Variants in KLRG2 observed in about 807,000 individuals in gnomAD.
The protein encoded by KLRG2 is killer cell lectin like receptor G2, also known as killer cell lectin-like receptor subfamily G member 2.
A neutral mutation model predicts 35.4 loss-of-function variants in KLRG2; 39 were observed. The observed-to-expected ratio is 1.10, with a 90% CI of 0.85 to 1.44. KLRG2 has a LOEUF of 1.44. KLRG2 is among the 40% of genes most tolerant of loss of function. KLRG2 has a pLI of 0.00. For synonymous variants in KLRG2, 283 were observed against 265.8 expected (o/e 1.06, Z -0.63); for missense variants, 632 against 570.9 (o/e 1.11, Z -1.09).
intron 3 of KLRG2, among the ~76,000 whole-genome samples, chr7:139,463,848 C>T (rs1328452722): frequency 6.6e-6 from 1 of 152,200 alleles, no homozygotes; most frequent in Non-Finnish European, 1.5e-5. Context: ...GTAAGTCCAT[C>T]CCCTTCTTAA....
intron 3 of KLRG2, among the ~76,000 whole-genome samples, chr7:139,475,530 CA>C (rs532874176): frequency 2.0e-3 from 268 of 136,774 alleles, no homozygotes; most frequent in Middle Eastern, 3.7e-3. Flanking sequence ...GACTCTATCT[CA>C]AAAAAAAAAA....
chr7:139,436,341 C>A, the KLRG2 span, among the ~76,000 whole-genome samples: 1 of 152,030 alleles, frequency 6.6e-6, no homozygotes. Flanking sequence ...CTAGGGAACC[C>A]CCCCCTTCAC....
chr7:139,457,739 C>T (rs1796501432), intron 3 of KLRG2, among the ~76,000 whole-genome samples: 1 of 152,126 alleles, frequency 6.6e-6, no homozygotes, highest in Non-Finnish European at 1.5e-5. Context: ...GAAGGCCTCC[C>T]CCGAGCCCCA....
chr7:139,447,168 G>A, the KLRG2 span, among the ~76,000 whole-genome samples: 1 of 151,968 alleles, frequency 6.6e-6, no homozygotes, highest in South Asian at 2.1e-4. Flanking sequence ...ATTTGAAAGA[G>A]ATAGTTTCAG....
rs150594834 is a variant in KLRG2 at position 139,473,126 on chromosome 7, C to T, written c.1005+6501G>A. Among the ~76,000 whole-genome samples the T allele has an allele frequency of 8.4e-3, 1,272 of 152,164 alleles. 22 individuals are homozygous for T. The highest frequency in any genetic ancestry group is 0.029 in the African/African-American group (1,211 of 41,520). The stretch of plus-strand genomic sequence containing the variant: ...GCAAAACACCGTCTCTACAAACATA[C>T]AAAAATTAGCTGTGTGTGGTGGTTC... On this transcript the variant is annotated intron_variant, in intron 3 of 4. Coordinates refer to ENST00000340940, the MANE Select transcript of KLRG2 (RefSeq NM_198508.4).
the KLRG2 span, among the ~76,000 whole-genome samples, chr7:139,438,677 A>ATTTTTTTTTTT: frequency 2.1e-5 from 3 of 142,832 alleles, no homozygotes; most frequent in African/African-American, 2.6e-5. Flanking sequence ...CATTTTGGCA[A>ATTTTTTTTTTT]TTTTTTTTTT....
chr7:139,475,392 G>C (rs1448555998), intron 3 of KLRG2, among the ~76,000 whole-genome samples: 1 of 151,992 alleles, frequency 6.6e-6, no homozygotes, highest in Non-Finnish European at 1.5e-5. Flanking sequence ...TTAGCCAGGC[G>C]TGGTGGCGGG....
chr7:139,455,596 C>T (rs1240918564), intron 3 of KLRG2, among the ~76,000 whole-genome samples: 1 of 150,464 alleles, frequency 6.6e-6, no homozygotes, highest in Non-Finnish European at 1.5e-5. Flanking sequence ...GCTGGGATTA[C>T]AGGCGTGAGC....
rs763375222 is a variant in KLRG2, at chr7:139,483,579, C to T, written c.64G>A (p.Val22Met). Residue 22 changes from valine to methionine, a missense_variant, in exon 1 of 5, where the codon GTG becomes ATG. Val to Met is a conservative substitution (Grantham distance 21). Coordinates refer to ENST00000340940, the MANE Select transcript of KLRG2 (RefSeq NM_198508.4). ...TCCAGCGTGGGGACCAGGCTTCCCA[C>T]GGGCTCCATTGGGAGCTCTGCCCCG... Reference protein sequence around the residue: ...QAGAELPMEPVGSLVPTLEQP... With the variant: ...QAGAELPMEPMGSLVPTLEQP... 4.4e-6 allele frequency: 7 copies of T among 1,597,096 alleles called. No homozygotes were observed. The highest frequency in any genetic ancestry group is 3.4e-5 in the Admixed American group (2 of 59,662).
At chr7:139,436,966 G>A in the KLRG2 span, among the ~76,000 whole-genome samples, 6 of 152,260 alleles carry the variant, frequency 3.9e-5, no homozygotes, top group South Asian at 2.1e-4. Context: ...AGCCTCACCC[G>A]GACTGTGTGT....
chr7:139,450,605 A>T (rs886705424), downstream of KLRG2, among the ~76,000 whole-genome samples: 3 of 152,204 alleles, frequency 2.0e-5, no homozygotes, highest in South Asian at 6.2e-4. Flanking sequence ...TTTCAGACAC[A>T]ATCAGTTTTA....
At chr7:139,463,678 G>A (rs1455312770) in intron 3 of KLRG2, among the ~76,000 whole-genome samples, 1 of 152,180 alleles carries the variant, frequency 6.6e-6, no homozygotes, top group African/African-American at 2.4e-5. Context: ...AAGTCACCCA[G>A]CAGCCAACCC....
chr7:139,428,280 A>G, the KLRG2 span, among the ~76,000 whole-genome samples: 1 of 152,132 alleles, frequency 6.6e-6, no homozygotes, highest in Non-Finnish European at 1.5e-5. Context: ...GGGTCTCACC[A>G]TGTTGCCCAG....
rs746609367 is a variant in KLRG2, at chr7:139,480,255, G to A, written c.758-8C>T. 2.3e-5 allele frequency: 35 copies of A among 1,521,642 alleles called. No homozygotes were observed. Among genetic ancestry groups the A allele is most frequent in the Admixed American group, 1.3e-4 (8 of 59,814 alleles). 94.3% of individuals were successfully genotyped at this position (1,521,642 alleles called of 1,614,324 possible). A position where few individuals can be genotyped will look rare whatever the true frequency, so the allele number is the denominator to read the frequency against. ...TCACGTACATGGGTAGCCCTGGGAC[G>A]GGGGCAAACAGGATAATCAGATTAG... On this transcript the variant is annotated splice_region_variant and splice_polypyrimidine_tract_variant and intron_variant, in intron 1 of 4. Transcript: ENST00000340940.
chr7:139,452,295 T>C (rs945557203), downstream of KLRG2, among the ~76,000 whole-genome samples: 1 of 152,096 alleles, frequency 6.6e-6, no homozygotes, highest in African/African-American at 2.4e-5. Flanking sequence ...CTTTTTGTTA[T>C]TACTTTCAGG....
chr7:139,455,601 G>A (rs571942625), intron 3 of KLRG2, among the ~76,000 whole-genome samples: 10 of 152,278 alleles, frequency 6.6e-5, no homozygotes, highest in East Asian at 5.8e-4. Context: ...GATTACAGGC[G>A]TGAGCCACCG....
intron 3 of KLRG2, among the ~76,000 whole-genome samples, chr7:139,464,727 A>T (rs1047992159): frequency 5.3e-5 from 8 of 152,234 alleles, no homozygotes; most frequent in South Asian, 2.1e-4. Flanking sequence ...CTTTCTGTCC[A>T]AACAATTTGA....
chr7:139,480,254 C>T lies in KLRG2; in HGVS notation c.758-7G>A, dbSNP rs373299795. On this transcript the variant is annotated splice_region_variant and splice_polypyrimidine_tract_variant and intron_variant, in intron 1 of 4. Transcript: ENST00000340940. ...TTCACGTACATGGGTAGCCCTGGGACGGGGGCAAACAGGATAATCAGATTA... is the reference window on the plus strand; with the variant it reads ...TTCACGTACATGGGTAGCCCTGGGATGGGGGCAAACAGGATAATCAGATTA... 2.5e-5 allele frequency: 38 copies of T among 1,523,680 alleles called. No homozygotes were observed. The East Asian group carries it at 2.7e-4, about 11-fold the overall frequency. 94.4% of individuals were successfully genotyped at this position (1,523,680 alleles called of 1,614,324 possible).
Position 139,483,616 on chromosome 7 carries a change from G to C in KLRG2, c.27C>G (p.Pro9=), listed in dbSNP as rs1276246446. 1.5e-5 allele frequency: 23 copies of C among 1,574,514 alleles called. No individual in the cohort carries two copies. The highest frequency in any genetic ancestry group is 2.7e-5 in the African/African-American group (2 of 73,326). Residue 9 remains proline, a synonymous_variant, in exon 1 of 5, where the codon CCC becomes CCG. Coordinates refer to ENST00000340940, the MANE Select transcript of KLRG2 (RefSeq NM_198508.4). Reference sequence around the variant, plus strand: ...GGAGCTCTGCCCCGGCTTGGCCTCCGGGCGCAGCCTCCCAAGACTCCTCCA... The same window carrying C: ...GGAGCTCTGCCCCGGCTTGGCCTCCCGGCGCAGCCTCCCAAGACTCCTCCA... MEESWEAA[P]GGQAGAELPM... is the part of the protein sequence containing the mutation.
Sources: gnomAD v4.1 joint callset for allele counts (sites outside exome capture counted in the v4.1 genomes callset) on GRCh38, gnomAD v4.1.1 for gene constraint, MANE v1.5 for transcripts, NCBI Gene and HGNC (gene_info 2026-07-23, HGNC 2026-07-21) for gene names.